Variants in PIWIL1 observed in about 807,000 individuals in gnomAD.
PIWIL1 encodes the protein piwi like RNA-mediated gene silencing 1.
Under a neutral mutation model 114.4 loss-of-function variants are expected in PIWIL1, and 73 were observed. That is an observed-to-expected ratio of 0.64 (90% confidence interval 0.53 to 0.78). The LOEUF (loss-of-function observed/expected upper bound fraction) is 0.78. Ranked by LOEUF, PIWIL1 falls within the 30% of genes least tolerant of loss-of-function variation. The pLI, the probability that PIWIL1 is intolerant of heterozygous loss-of-function variation, is 0.00. For synonymous variants in PIWIL1, 375 were observed against 369.0 expected (o/e 1.02, Z -0.19); for missense variants, 723 against 1,063.1 (o/e 0.68, Z 4.45).
the PIWIL1 span, among the ~76,000 whole-genome samples, chr12:130,404,571 G>T: frequency 3.3e-5 from 5 of 152,156 alleles, no homozygotes; most frequent in African/African-American, 1.2e-4. Flanking sequence ...ATGAGTCACC[G>T]TGCCCGGCCG....
the PIWIL1 span, among the ~76,000 whole-genome samples, chr12:130,408,095 A>G: frequency 2.0e-5 from 3 of 152,068 alleles, no homozygotes; most frequent in African/African-American, 7.3e-5. Flanking sequence ...TGTCCATTAA[A>G]CCAGTGAGAC....
At chr12:130,424,452 G>A in the PIWIL1 span, 95 of 1,232,232 alleles carry the variant, frequency 7.7e-5, no homozygotes, top group Middle Eastern at 6.2e-4. The surrounding 1 kb of genome is among the most constrained non-coding windows in gnomAD (Gnocchi z 9.8). Context: ...TGGGCTGCAC[G>A]CGGCCACGGT....
the PIWIL1 span, chr12:130,425,283 G>A: frequency 5.6e-5 from 9 of 160,882 alleles, no homozygotes; most frequent in Non-Finnish European, 1.2e-4. Context: ...GAGGCCGTGT[G>A]TGACTGGAGA....
chr12:130,412,929 C>T, the PIWIL1 span: 8 of 778,180 alleles, frequency 1.0e-5, no homozygotes, highest in Non-Finnish European at 1.6e-5. Context: ...GCATAGGTCA[C>T]CCACGTGTGT....
chr12:130,399,871 G>A, the PIWIL1 span: 1 of 1,587,784 alleles, frequency 6.3e-7, no homozygotes, highest in Non-Finnish European at 8.6e-7. Flanking sequence ...CCCACATCTT[G>A]CTTTGGCTAA....
At chr12:130,406,066 G>A in the PIWIL1 span, 370 of 731,710 alleles carry the variant, frequency 5.1e-4, no homozygotes, top group Non-Finnish European at 7.7e-4. Flanking sequence ...GGCGTATGAC[G>A]TTCATGCCCA....
intron 14 of PIWIL1, 89 bp from the exon 15 acceptor site, chr12:130,361,091 C>T: frequency 1.9e-6 from 2 of 1,063,268 alleles, no homozygotes; most frequent in Non-Finnish European, 1.4e-6. Flanking sequence ...GACATTGATA[C>T]TTCACAGGTG....
chr12:130,400,899 T>TATCA, the PIWIL1 span, among the ~76,000 whole-genome samples: 1 of 152,138 alleles, frequency 6.6e-6, no homozygotes, highest in African/African-American at 2.4e-5. Flanking sequence ...CTCACACTAC[T>TATCA]ATCAAAAACA....
the PIWIL1 span, chr12:130,397,114 G>A: frequency 3.4e-6 from 1 of 292,910 alleles, no homozygotes; most frequent in African/African-American, 2.2e-5. Context: ...TTGTTAATAA[G>A]ACGTCCCCTC....
intron 6 of PIWIL1, among the ~76,000 whole-genome samples, chr12:130,347,397 T>C (rs1593090679): frequency 1.3e-5 from 2 of 152,314 alleles, no homozygotes; most frequent in East Asian, 3.9e-4. Context: ...TTCAGGTCGT[T>C]TGTTCCACCA....
intron 18 of PIWIL1, among the ~76,000 whole-genome samples, chr12:130,363,872 C>CCT (rs753140625): frequency 6.6e-6 from 1 of 152,098 alleles, no homozygotes; most frequent in Non-Finnish European, 1.5e-5. Flanking sequence ...CCCATCTTGG[C>CCT]CTCCTAAAGT....
chr12:130,425,579 G>A, the PIWIL1 span: 1 of 152,380 alleles, frequency 6.6e-6, no homozygotes, highest in East Asian at 1.9e-4. Flanking sequence ...TCCAGTGGGT[G>A]GCACAGAGCT....
intron 4 of PIWIL1, 127 bp from the exon 5 acceptor site, chr12:130,346,243 A>G: frequency 4.5e-6 from 3 of 665,506 alleles, no homozygotes; most frequent in Non-Finnish European, 7.7e-6. Flanking sequence ...ATGTCTGAGG[A>G]CTTTCATGTT....
the PIWIL1 span, among the ~76,000 whole-genome samples, chr12:130,402,085 A>G: frequency 9.9e-3 from 1,507 of 152,254 alleles, 18 homozygotes; most frequent in African/African-American, 0.034. Context: ...AGTAAAATCC[A>G]CGTCAGAACG....
At chr12:130,417,864 T>TG in the PIWIL1 span, among the ~76,000 whole-genome samples, 33,352 of 151,290 alleles carry the variant, frequency 0.22, 4,293 homozygotes, top group East Asian at 0.37. Context: ...GGAGAGAGAA[T>TG]GGGAGGGGAG....
the PIWIL1 span, among the ~76,000 whole-genome samples, chr12:130,411,257 T>C: frequency 6.6e-6 from 1 of 152,204 alleles, no homozygotes; most frequent in East Asian, 1.9e-4. Flanking sequence ...CCTTTGAGAT[T>C]CCTTGAGATT....
chr12:130,364,198 C>T (rs2073592834), intron 18 of PIWIL1, among the ~76,000 whole-genome samples: 1 of 152,186 alleles, frequency 6.6e-6, no homozygotes, highest in Non-Finnish European at 1.5e-5. Context: ...AAAGATTGAA[C>T]TTTTCAGGAT....
intron 19 of PIWIL1, 50 bp downstream of exon 19, chr12:130,367,308 T>C (rs770323597): frequency 6.4e-7 from 1 of 1,564,518 alleles, no homozygotes; most frequent in Non-Finnish European, 8.7e-7. Context: ...GGTGGTGGTT[T>C]CTTTAGCATG....
intron 19 of PIWIL1, among the ~76,000 whole-genome samples, chr12:130,368,369 A>G (rs963515661): frequency 6.6e-6 from 1 of 152,168 alleles, no homozygotes; most frequent in African/African-American, 2.4e-5. Context: ...AAATGAGGCA[A>G]TACTATAGCG....
Sources: gnomAD v4.1 joint callset for allele counts (sites outside exome capture counted in the v4.1 genomes callset) on GRCh38, gnomAD v4.1.1 for gene constraint, Gnocchi (gnomAD v3.1) non-coding constraint, MANE v1.5 for transcripts, NCBI Gene and HGNC (gene_info 2026-07-23, HGNC 2026-07-21) for gene names.